The following LIMCH1 variants were observed in gnomAD, a reference collection of about 807,000 sequenced individuals.
LIMCH1 encodes the protein LIM and calponin homology domains 1.
A neutral mutation model predicts 176.5 loss-of-function variants in LIMCH1; 113 were observed. That is an observed-to-expected ratio of 0.64 (90% confidence interval 0.55 to 0.75). The LOEUF (loss-of-function observed/expected upper bound fraction) is 0.75. Among genes scored for constraint, LIMCH1 ranks in the 30% least tolerant of loss-of-function variants. LIMCH1 has a pLI of 0.00. For missense variants in LIMCH1, 1,674 were observed against 1,814.9 expected, an observed-to-expected ratio of 0.92 and a Z score of 1.41; for synonymous variants, 619 against 645.9, an observed-to-expected ratio of 0.96 and a Z score of 0.63.
intron 1 of LIMCH1, among the ~76,000 whole-genome samples, chr4:41,362,190 G>T (rs953677449): frequency 7.2e-5 from 11 of 152,308 alleles, no homozygotes; most frequent in African/African-American, 2.4e-4. Context: ...CCTGCTTCCC[G>T]CAAGCAAGAG....
chr4:41,425,240 A>G (rs1230614323), intron 1 of LIMCH1, among the ~76,000 whole-genome samples: 3 of 152,306 alleles, frequency 2.0e-5, no homozygotes, highest in African/African-American at 7.2e-5. Flanking sequence ...TAATGGCTTC[A>G]TGTCTGGGAA....
At chr4:41,491,195 C>T (rs535463555) in intron 1 of LIMCH1, among the ~76,000 whole-genome samples, 108 of 131,070 alleles carry the variant, frequency 8.2e-4, no homozygotes, top group Middle Eastern at 5.7e-3. Flanking sequence ...ACATCCCAGA[C>T]GAAGAGTGGC....
chr4:41,460,400 G>A (rs1362645911), intron 1 of LIMCH1, among the ~76,000 whole-genome samples: 1 of 144,188 alleles, frequency 6.9e-6, no homozygotes, highest in African/African-American at 2.6e-5. Context: ...TTACACGTTG[G>A]CCTTGGTCTG....
Position 41,490,541 on chromosome 4 carries a change from A to C in LIMCH1, c.97-3995A>C, listed in dbSNP as rs1472190432. 6.6e-5 allele frequency among the ~76,000 whole-genome samples: 10 copies of C among 152,212 alleles called. No individual in the cohort carries two copies. In the East Asian group the frequency reaches 1.7e-3, roughly 27 times the overall value. ...CAAAGCACATCTTGCACTGCCCTTA[A>C]ACCATTTAACCCTGAGTTGACACAG... is the stretch of plus-strand genomic sequence containing the variant. On this transcript the variant is annotated intron_variant, in intron 1 of 26. Transcript: ENST00000313860.
chr4:41,494,597 T>C, exon 2 of LIMCH1: 2 of 1,609,640 alleles, frequency 1.2e-6, no homozygotes, highest in Non-Finnish European at 1.7e-6. Context: ...AATGGAATCC[T>C]CCTCTGCGAG....
rs1426878358 is a variant in LIMCH1, at chr4:41,697,739, G to A, written c.*554G>A. Reference sequence around the variant, plus strand: ...AGACACTAGTTTGATAATATATACTGTAATCCTGAAACATTTGTGTTACTT... The same window carrying A: ...AGACACTAGTTTGATAATATATACTATAATCCTGAAACATTTGTGTTACTT... On this transcript the variant is annotated 3_prime_UTR_variant, in exon 32 of 32. Transcript: ENST00000503057. 6.6e-6 allele frequency: 1 copy of A among 152,402 alleles called. No individual in the cohort carries two copies. Among genetic ancestry groups the A allele is most frequent in the Non-Finnish European group, 1.5e-5 (1 of 68,210 alleles). 9.4% of individuals were successfully genotyped at this position (152,402 alleles called of 1,614,324 possible). A position where few individuals can be genotyped will look rare whatever the true frequency, so the allele number is the denominator to read the frequency against.
intron 1 of LIMCH1, among the ~76,000 whole-genome samples, chr4:41,589,028 T>G (rs921801543): frequency 2.0e-5 from 3 of 152,156 alleles, no homozygotes; most frequent in African/African-American, 7.2e-5. Context: ...TAGTCCTTGT[T>G]CTCTTATAGA....
chr4:41,434,405 A>C (rs2061880147), intron 1 of LIMCH1, among the ~76,000 whole-genome samples: 1 of 152,244 alleles, frequency 6.6e-6, no homozygotes, highest in Admixed American at 6.5e-5. Context: ...GCTGCTTTGC[A>C]GCAGAGGGCA....
In LIMCH1 at chr4:41,699,602, A is replaced by G. The variant is rs1250451699; in HGVS notation, c.*2417A>G. On this transcript the variant is annotated 3_prime_UTR_variant, in exon 32 of 32. Transcript: ENST00000503057. ...AAATGCTCTGCTCCATTGAGCTATA[A>G]TGTAAATGTGTTTGTTTAAAAAACA... is the stretch of plus-strand genomic sequence containing the variant. 6.6e-6 allele frequency: 1 copy of G among 152,162 alleles called. No homozygotes were observed. The highest frequency in any genetic ancestry group is 2.4e-5 in the African/African-American group (1 of 41,444). The allele number at this position is 152,162 out of a possible 1,614,324, so 9.4% of individuals were successfully genotyped here. A position where few individuals can be genotyped will look rare whatever the true frequency, so the allele number is the denominator to read the frequency against.
At chr4:41,594,930 G>C (rs997089195) in intron 1 of LIMCH1, among the ~76,000 whole-genome samples, 1 of 152,168 alleles carries the variant, frequency 6.6e-6, no homozygotes, top group Non-Finnish European at 1.5e-5. Context: ...TGTCCAGAGA[G>C]CATCAACACT....
At chr4:41,483,858 A>C (rs1582934367) in intron 1 of LIMCH1, among the ~76,000 whole-genome samples, 2 of 152,168 alleles carry the variant, frequency 1.3e-5, no homozygotes, top group African/African-American at 2.4e-5. Context: ...GCCCTCCCAT[A>C]ATATTTTGCT....
chr4:41,369,752 C>T (rs2053664557), intron 1 of LIMCH1, among the ~76,000 whole-genome samples: 1 of 151,504 alleles, frequency 6.6e-6, no homozygotes, highest in Non-Finnish European at 1.5e-5. Context: ...AGGACTGCGT[C>T]TTAGTCATCA....
chr4:41,472,257 T>C (rs1269771330), intron 1 of LIMCH1, among the ~76,000 whole-genome samples: 1 of 152,204 alleles, frequency 6.6e-6, no homozygotes, highest in Non-Finnish European at 1.5e-5. Context: ...AAACGACACA[T>C]GTAGGCGCCT....
intron 31 of LIMCH1, 99 bp downstream of exon 31, chr4:41,692,483 C>T (rs1726887055): frequency 2.8e-6 from 2 of 717,476 alleles, no homozygotes; most frequent in Non-Finnish European, 4.9e-6. Flanking sequence ...CAGCCGTTGA[C>T]ACTCTAATCT....
chr4:41,454,098 C>A (rs1184745520), intron 1 of LIMCH1, among the ~76,000 whole-genome samples: 2 of 152,108 alleles, frequency 1.3e-5, no homozygotes, highest in Admixed American at 6.6e-5. Flanking sequence ...CCCTGTTATT[C>A]TCTTTCAATG....
chr4:41,609,273 C>T (rs1365455417), intron 4 of LIMCH1, among the ~76,000 whole-genome samples: 1 of 151,068 alleles, frequency 6.6e-6, no homozygotes, highest in Non-Finnish European at 1.5e-5. Context: ...ACTTATCATC[C>T]AATTTTGTAT....
chr4:41,571,264 CAGAGA>C (rs1222284393), intron 1 of LIMCH1, among the ~76,000 whole-genome samples: 1 of 151,708 alleles, frequency 6.6e-6, no homozygotes, highest in Non-Finnish European at 1.5e-5. Context: ...AAGACAGAGA[CAGAGA>C]AGAGAGGGGA....
Position 41,631,259 on chromosome 4 carries a change from T to C in LIMCH1, c.1383T>C (p.Ala461=). The change falls in exon 10 of 32, where the codon GCT becomes GCC. Residue 461 remains alanine, a synonymous_variant. Transcript: ENST00000503057. The stretch of plus-strand genomic sequence containing the variant: ...GCAAAGCAAGGGCCTCTAAGAAAGC[T>C]TCCAGCCCCAGGCAAAAGTTTGTGC... ...ANRKARASKK[A]SSPRQKFVHF... 1 of 1,536,114 alleles carries C rather than the reference T, an allele frequency of 6.5e-7. No individual in the cohort carries two copies. Among genetic ancestry groups the C allele is most frequent in the Non-Finnish European group, 8.7e-7 (1 of 1,146,900 alleles).
upstream of LIMCH1, among the ~76,000 whole-genome samples, chr4:41,533,525 A>G (rs2077550031): frequency 6.6e-6 from 1 of 152,196 alleles, no homozygotes; most frequent in African/African-American, 2.4e-5. Flanking sequence ...ATGACATCCA[A>G]GGACTTTTTT....
Sources: allele counts gnomAD v4.1 joint callset (sites outside exome capture counted in the v4.1 genomes callset), GRCh38; gene constraint gnomAD v4.1.1; transcripts MANE v1.5; gene names NCBI Gene and HGNC (gene_info 2026-07-23, HGNC 2026-07-21).